SUN5: variants seen among roughly 807,000 people sequenced by gnomAD.
SUN5 encodes the protein Sad1 and UNC84 domain containing 5, also known as SUN domain-containing protein 5.
Under a neutral mutation model 53.7 loss-of-function variants are expected in SUN5, and 44 were observed. That is an observed-to-expected ratio of 0.82 (90% CI 0.64 to 1.05). The LOEUF (loss-of-function observed/expected upper bound fraction) is 1.05. Ranked by LOEUF, SUN5 falls within the 50% of genes least tolerant of loss-of-function variation. SUN5 has a pLI of 0.00. For missense variants in SUN5, 433 were observed against 483.8 expected (o/e 0.90, Z 0.98); for synonymous variants, 166 against 179.8 (o/e 0.92, Z 0.62).
At chr20:33,004,088 C>T (rs1020669528) in intron 1 of SUN5, among the ~76,000 whole-genome samples, 176 bp downstream of exon 1, 3 of 152,202 alleles carry the variant, frequency 2.0e-5, no homozygotes, top group African/African-American at 7.2e-5. Context: ...AGGATGGCTG[C>T]TTCACCACTT....
At chr20:33,003,175 G>T (rs759267522) in intron 1 of SUN5, among the ~76,000 whole-genome samples, 1 of 152,162 alleles carries the variant, frequency 6.6e-6, no homozygotes, top group African/African-American at 2.4e-5. Flanking sequence ...GCTTGGTTTT[G>T]TTCCTTTGTC....
Position 32,989,616 on chromosome 20 carries a change from C to A in SUN5, c.613+4G>T, listed in dbSNP as rs1470048146. 1 of 1,613,732 alleles carries A rather than the reference C, an allele frequency of 6.2e-7. No homozygotes were observed. The highest frequency in any genetic ancestry group is 1.3e-5 in the African/African-American group (1 of 74,852). Reference sequence around the variant, plus strand: ...GTCAGATGGTGGGGAAGGGGGTCACCTACCTATAGACTTCAGGGCAAAGTC... The same window carrying A: ...GTCAGATGGTGGGGAAGGGGGTCACATACCTATAGACTTCAGGGCAAAGTC... On this transcript the variant is annotated splice_donor_region_variant and intron_variant, in intron 9 of 12. Transcript: ENST00000356173.
chr20:33,001,507 T>TTCTC (rs1568970726), intron 3 of SUN5, among the ~76,000 whole-genome samples: 8 of 27,068 alleles, frequency 3.0e-4, no homozygotes, highest in African/African-American at 1.3e-3. Context: ...TTAACAGACA[T>TTCTC]TTTCTTTCTT....
At chr20:33,003,378 A>C (rs1424386634) in intron 1 of SUN5, among the ~76,000 whole-genome samples, 1 of 152,182 alleles carries the variant, frequency 6.6e-6, no homozygotes, top group East Asian at 1.9e-4. Context: ...TGAGACCCAC[A>C]GAAAACGATG....
At chr20:32,999,723 C>A in intron 5 of SUN5, 6 of 525,142 alleles carry the variant, frequency 1.1e-5, no homozygotes, top group East Asian at 3.9e-5. Context: ...AGCCTCCACT[C>A]CAAAGCCAGT....
At chr20:32,994,449 GA>G (rs1600495698) in intron 8 of SUN5, among the ~76,000 whole-genome samples, 1 of 152,156 alleles carries the variant, frequency 6.6e-6, no homozygotes, top group Admixed American at 6.5e-5. Context: ...GGAGTTAGCA[GA>G]CAAGGATTTT....
chr20:32,984,211 C>T (rs988694151), intron 12 of SUN5, among the ~76,000 whole-genome samples: 1 of 152,196 alleles, frequency 6.6e-6, no homozygotes, highest in Non-Finnish European at 1.5e-5. Flanking sequence ...AACCTCCACC[C>T]TTTCTGGGCC....
chr20:32,987,583 C>A, intron 10 of SUN5, 77 bp downstream of exon 10: 1 of 1,152,946 alleles, frequency 8.7e-7, no homozygotes, highest in Non-Finnish European at 1.2e-6. Context: ...CCCCCTACCT[C>A]TTCTGCCAGC....
Position 32,989,832 on chromosome 20 carries a change from C to A in SUN5, c.535-134G>T, listed in dbSNP as rs549476480. On this transcript the variant is annotated intron_variant, in intron 8 of 12. Coordinates refer to ENST00000356173, the MANE Select transcript of SUN5 (RefSeq NM_080675.4). ...ACAGCCCACCCCTGCCTGTGGAAGC[C>A]TGTGGCTCTGTGAAAGCCCAGGTGA... 13 of 731,844 alleles carry A rather than the reference C, an allele frequency of 1.8e-5. No individual in the cohort carries two copies. The African/African-American group carries it at 2.1e-4, about 12-fold the overall frequency. 45.3% of individuals were successfully genotyped at this position (731,844 alleles called of 1,614,324 possible). A position where few individuals can be genotyped will look rare whatever the true frequency, so the allele number is the denominator to read the frequency against.
At chr20:32,998,192 AAAAAAAAT>A (rs1568968873) in intron 5 of SUN5, among the ~76,000 whole-genome samples, 2 of 151,376 alleles carry the variant, frequency 1.3e-5, no homozygotes, top group African/African-American at 4.9e-5. Flanking sequence ...AAAAAAAAAA[AAAAAAAAT>A]ACAAAAATTA....
intron 6 of SUN5, 110 bp downstream of exon 6, chr20:32,997,528 G>T (rs1989884605): frequency 2.6e-6 from 3 of 1,148,660 alleles, no homozygotes; most frequent in Admixed American, 2.1e-5. Context: ...GTCAAGTCAG[G>T]AACTGATGAG....
chr20:33,001,544 T>TTCTTTCTTTCTTTC (rs1990021871), intron 3 of SUN5, among the ~76,000 whole-genome samples: 2 of 138,620 alleles, frequency 1.4e-5, no homozygotes, highest in African/African-American at 6.6e-5. Context: ...CTTTCTTTCT[T>TTCTTTCTTTCTTTC]TCTTTCTTTC....
At chr20:33,000,953 G>C (rs959779696) in intron 4 of SUN5, among the ~76,000 whole-genome samples, 1 of 152,134 alleles carries the variant, frequency 6.6e-6, no homozygotes, top group Non-Finnish European at 1.5e-5. Context: ...TGGCCCAATG[G>C]GTCCCTGGCA....
chr20:32,997,583 G>T (rs1439143467), intron 6 of SUN5, 55 bp downstream of exon 6: 3 of 1,592,450 alleles, frequency 1.9e-6, no homozygotes, highest in Non-Finnish European at 2.6e-6. Flanking sequence ...AGGTGATATT[G>T]ACTGGTTAGG....
chr20:33,002,828 C>T (rs772321086), intron 2 of SUN5, 33 bp downstream of exon 2: 12 of 1,613,372 alleles, frequency 7.4e-6, no homozygotes, highest in Middle Eastern at 3.5e-4. Context: ...CTCAGCTGCC[C>T]ATGAAAATAC....
chr20:32,983,820 G>C lies in SUN5; in HGVS notation c.1114C>G (p.Gln372Glu), dbSNP rs755149635. Residue 372 changes from glutamine (Q) to glutamate (E), a missense_variant, in exon 13 of 13, where the codon CAG becomes GAG. Gln to Glu is a conservative substitution (Grantham distance 29). Transcript: ENST00000356173. ...SVAPPREQPH[Q>E]NPYPKRD ...TAATCTCTCTTAGGGTAGGGGTTCT[G>C]GTGAGGCTGCTCTCTGGGCGGGGCC... The C allele has an allele frequency of 6.4e-7, 1 of 1,567,356 alleles. No individual in the cohort carries two copies. The highest frequency in any genetic ancestry group is 8.7e-7 in the Non-Finnish European group (1 of 1,155,756).
intron 8 of SUN5, among the ~76,000 whole-genome samples, chr20:32,993,616 T>C (rs912431855): frequency 1.3e-5 from 2 of 152,202 alleles, no homozygotes; most frequent in African/African-American, 2.4e-5. Context: ...TAAAACTTCA[T>C]ATCTTCACAG....
At chr20:32,989,118 G>T (rs1018977744) in intron 9 of SUN5, among the ~76,000 whole-genome samples, 1 of 151,536 alleles carries the variant, frequency 6.6e-6, no homozygotes, top group African/African-American at 2.4e-5. Flanking sequence ...GTAGAGACGG[G>T]GTTTCACCGT....
At position 33,000,078 on chromosome 20, in the gene SUN5, A is replaced by G. The variant is rs1470871558; in HGVS notation, c.336T>C (p.Ala112=). 1 of 1,609,124 alleles carries G rather than the reference A, an allele frequency of 6.2e-7. No individual in the cohort carries two copies. Residue 112 remains alanine, a synonymous_variant, in exon 5 of 13, where the codon GCT becomes GCC. Coordinates refer to ENST00000356173, the MANE Select transcript of SUN5 (RefSeq NM_080675.4). ...MEKTGILLLC[A]FGFWMFSIHL... is the part of the protein sequence containing the mutation. ...GGGCAGGGCCCTGGGACACACCGAA[A>G]GCACAGAGGAGCAGAATGCCTGTCT...
Sources: gnomAD v4.1 joint callset for allele counts (sites outside exome capture counted in the v4.1 genomes callset) on GRCh38, gnomAD v4.1.1 for gene constraint, MANE v1.5 for transcripts, NCBI Gene and HGNC (gene_info 2026-07-23, HGNC 2026-07-21) for gene names.